Variants in BCL3 observed in about 807,000 individuals in gnomAD.
BCL3 encodes the protein BCL3 transcription coactivator.
In BCL3, 15 loss-of-function variants were observed where a neutral mutation model predicts 35.7. The observed-to-expected ratio is 0.42, with a 90% CI of 0.28 to 0.65. The LOEUF is 0.65. Ranked by LOEUF, BCL3 falls within the 30% of genes least tolerant of loss-of-function variation. The pLI, the probability that BCL3 is intolerant of heterozygous loss-of-function variation, is 0.22. For missense variants in BCL3, 565 were observed against 641.7 expected (o/e 0.88, Z 1.29); for synonymous variants, 311 against 284.3 (o/e 1.09, Z -0.95).
Position 44,754,361 on chromosome 19 carries a change from C to G in BCL3, c.411-1871C>G, listed in dbSNP as rs559532081. 3.9e-5 allele frequency among the ~76,000 whole-genome samples: 6 copies of G among 152,244 alleles called. No homozygotes were observed. The South Asian group carries it at 1.2e-3, about 32-fold the overall frequency. ...CCTACACACACACACCTCAAGGGAG[C>G]TAGGTCTTCTTGGGCTGGGCACTCC... is the stretch of plus-strand genomic sequence containing the variant. On this transcript the variant is annotated intron_variant, in intron 2 of 8. Coordinates refer to ENST00000164227, the MANE Select transcript of BCL3 (RefSeq NM_005178.5).
intron 1 of BCL3, 41 bp from the exon 2 acceptor site, chr19:44,751,186 G>A (rs372734121): frequency 1.9e-4 from 301 of 1,577,114 alleles, no homozygotes; most frequent in Non-Finnish European, 2.4e-4. Context: ...GTCTGTGGGT[G>A]TGGCCTCACC....
At chr19:44,759,317 G>A (rs1280782494) in intron 8 of BCL3, 111 bp from the exon 9 acceptor site, 44 of 370,044 alleles carry the variant, frequency 1.2e-4, no homozygotes, top group Middle Eastern at 4.7e-4. Flanking sequence ...CCTCAGACCC[G>A]AGTCCAGACC....
Position 44,757,146 on chromosome 19 carries a change from A to G in BCL3, c.649A>G (p.Ser217Gly). ...TAAHLACEHRSPTCLRALLDS... is the reference protein window; with the variant it reads ...TAAHLACEHRGPTCLRALLDS... ...CGCTCACCTGGCGTGCGAGCACCGC[A>G]GCCCGACCTGCCTGCGAGCCCTGCT... Residue 217 changes from serine to glycine, a missense_variant, in exon 4 of 9, where the codon AGC becomes GGC. Ser to Gly is a moderately conservative substitution (Grantham distance 56, BLOSUM62 0). Transcript: ENST00000164227. The surrounding 1 kb of genome is among the most constrained non-coding windows in gnomAD (Gnocchi z 8.4). The G allele has an allele frequency of 6.3e-7, 1 of 1,591,428 alleles. No homozygotes were observed. The highest frequency in any genetic ancestry group is 2.3e-5 in the East Asian group (1 of 43,230).
chr19:44,748,955 C>A lies in BCL3; in HGVS notation c.165C>A (p.Val55=). The change falls in exon 1 of 9, where the codon GTC becomes GTA. Residue 55 remains valine, a synonymous_variant. Transcript: ENST00000164227. ...CCCGCGGCGCTGCGGGCCTTGTCGTCCCCCTGGACCCTCTGCGCGGCGGCT... is the reference window on the plus strand; with the variant it reads ...CCCGCGGCGCTGCGGGCCTTGTCGTACCCCTGGACCCTCTGCGCGGCGGCT... ...AAPRGAAGLV[V]PLDPLRGGCD... 1 of 1,272,728 alleles carries A rather than the reference C, an allele frequency of 7.9e-7. No homozygotes were observed. Among genetic ancestry groups the A allele is most frequent in the Non-Finnish European group, 9.9e-7 (1 of 1,006,564 alleles). The allele number at this position is 1,272,728 out of a possible 1,614,324, so 78.8% of individuals were successfully genotyped here.
At chr19:44,751,791 C>T (rs147679491) in intron 2 of BCL3, among the ~76,000 whole-genome samples, 68 of 152,250 alleles carry the variant, frequency 4.5e-4, no homozygotes, top group Middle Eastern at 6.8e-3. Context: ...TTGGTAGAGA[C>T]AGGGTTTCAC....
In BCL3 at chr19:44,758,485, A is replaced by G. The variant is rs1202680146; in HGVS notation, c.1059+72A>G. 6.0e-6 allele frequency: 9 copies of G among 1,496,976 alleles called. No individual in the cohort carries two copies. The South Asian group carries it at 9.2e-5, about 15-fold the overall frequency. The allele number at this position is 1,496,976 out of a possible 1,614,324, so 92.7% of individuals were successfully genotyped here. On this transcript the variant is annotated intron_variant, in intron 7 of 8. Coordinates refer to ENST00000164227, the MANE Select transcript of BCL3 (RefSeq NM_005178.5). Reference sequence around the variant, plus strand: ...CGGGCTGGTTGCAGGCGAGTGTGCCAGAGCGCAGAGGAGTGAGGGTGTCTG... The same window carrying G: ...CGGGCTGGTTGCAGGCGAGTGTGCCGGAGCGCAGAGGAGTGAGGGTGTCTG...
rs554053234 is a variant in BCL3 at position 44,756,894 on chromosome 19, G to A, written c.520-123G>A. On this transcript the variant is annotated intron_variant, in intron 3 of 8. Coordinates refer to ENST00000164227, the MANE Select transcript of BCL3 (RefSeq NM_005178.5). ...CGGACTCTTGAATCTGAGACAGGAG[G>A]TGTCTCAGGTTTCTGTTCCTGGGGA... The A allele has an allele frequency of 1.2e-4, 111 of 900,408 alleles. No homozygotes were observed. The African/African-American group carries it at 1.5e-3, about 12-fold the overall frequency. The allele number at this position is 900,408 out of a possible 1,614,324, so 55.8% of individuals were successfully genotyped here.
intron 7 of BCL3, 139 bp from the exon 8 acceptor site, chr19:44,758,585 A>G: frequency 7.9e-7 from 1 of 1,262,664 alleles, no homozygotes; most frequent in Non-Finnish European, 1.1e-6. Flanking sequence ...AGAGACTGGC[A>G]CCAAGAAAAA....
Position 44,756,279 on chromosome 19 carries a change from G to A in BCL3, c.458G>A (p.Arg153Gln), listed in dbSNP as rs776164235. 9.6e-6 allele frequency: 15 copies of A among 1,556,578 alleles called. No homozygotes were observed. Among genetic ancestry groups the A allele is most frequent in the South Asian group, 8.3e-5 (7 of 83,932 alleles). Reference protein sequence around the residue: ...VVQGNLPAVHRLVNLFQQGGR... With the variant: ...VVQGNLPAVHQLVNLFQQGGR... Reference sequence around the variant, plus strand: ...CAGGGTAACCTGCCAGCTGTGCACCGGCTGGTCAACCTCTTCCAGCAGGGG... The same window carrying A: ...CAGGGTAACCTGCCAGCTGTGCACCAGCTGGTCAACCTCTTCCAGCAGGGG... Residue 153 changes from arginine to glutamine, a missense_variant, in exon 3 of 9, where the codon CGG becomes CAG. Physicochemically the swap from Arg to Gln is conservative, Grantham distance 43. Transcript: ENST00000164227.
At chr19:44,758,207 G>A in intron 6 of BCL3, 39 bp from the exon 7 acceptor site, 1 of 1,431,892 alleles carries the variant, frequency 7.0e-7, no homozygotes, top group Non-Finnish European at 9.1e-7. Flanking sequence ...ACCCCGGGTG[G>A]CCCGCGCGCC....
At chr19:44,747,799 TGC>T, upstream of BCL3, 1 of 1,088,912 alleles carries the variant, frequency 9.2e-7, no homozygotes, top group Non-Finnish European at 1.1e-6. Context: ...TCAAGATCTC[TGC>T]GCCTGTCTCC....
In BCL3 at chr19:44,753,531, C is replaced by A. The variant is rs891847895; in HGVS notation, c.410+2151C>A. On this transcript the variant is annotated intron_variant, in intron 2 of 8. Transcript: ENST00000164227. ...AGCACCCGTCACTCACTCGCAGCCT[C>A]CCCCCTCCTGGCGCTTCCTCCAACC... Among the ~76,000 whole-genome samples the A allele has an allele frequency of 2.0e-5, 3 of 152,162 alleles. No individual in the cohort carries two copies. The South Asian group carries it at 6.3e-4, about 32-fold the overall frequency.
chr19:44,758,767 C>A lies in BCL3; in HGVS notation c.1103C>A (p.Thr368Asn). Residue 368 changes from threonine to asparagine, a missense_variant, in exon 8 of 9, where the codon ACC becomes AAC. Physicochemically the swap from Thr to Asn is moderately conservative, Grantham distance 65. Transcript: ENST00000164227. ...GGGAAGGCCACCCGGCCTGCTTCCACCTCCCAGCCAGACCCCTCCCCTGAC... is the reference window on the plus strand; with the variant it reads ...GGGAAGGCCACCCGGCCTGCTTCCAACTCCCAGCCAGACCCCTCCCCTGAC... ...LRGKATRPAS[T>N]SQPDPSPDRS... The A allele has an allele frequency of 6.2e-7, 1 of 1,608,122 alleles. No individual in the cohort carries two copies.
At chr19:44,756,198 A>G (rs768512577) in intron 2 of BCL3, 34 bp from the exon 3 acceptor site, 17 of 1,379,156 alleles carry the variant, frequency 1.2e-5, no homozygotes, top group Admixed American at 8.1e-5. Flanking sequence ...AACAACCCCT[A>G]ATGCCTGTGA....
Position 44,750,551 on chromosome 19 carries a change from G to A in BCL3, c.257-676G>A, listed in dbSNP as rs936626869. 2.5e-4 allele frequency among the ~76,000 whole-genome samples: 38 copies of A among 152,172 alleles called. 1 individual carries two copies. Among genetic ancestry groups the A allele is most frequent in the Middle Eastern group, 3.4e-3 (1 of 294 alleles). ...TGACCTCAGGTGATCCGCCCGCCTC[G>A]GCCTCCCAAAGTATTGGTATTAGAG... On this transcript the variant is annotated intron_variant, in intron 1 of 8. Coordinates refer to ENST00000164227, the MANE Select transcript of BCL3 (RefSeq NM_005178.5).
Position 44,757,228 on chromosome 19 carries a change from A to ATTT in BCL3, c.724+8_724+10dup, listed in dbSNP as rs1967309256. 6.5e-7 allele frequency: 1 copy of ATTT among 1,549,186 alleles called. No individual in the cohort carries two copies. The highest frequency in any genetic ancestry group is 1.4e-5 in the African/African-American group (1 of 73,126). On this transcript the variant is annotated splice_region_variant and intron_variant, in intron 4 of 8. Transcript: ENST00000164227. This position sits in a 1 kb window ranked among gnomAD's most constrained non-coding sequence, Gnocchi z 8.4. ...GAGGCCCGCAATTATGACGGTAAGC[A>ATTT]TTTACCGCGGGGCACCGCTGGGCTG...
chr19:44,748,575 C>A, upstream of BCL3: 1 of 425,932 alleles, frequency 2.3e-6, no homozygotes, highest in Non-Finnish European at 3.2e-6. Context: ...GGCTGCACCT[C>A]AGAGCGGCGG....
chr19:44,754,910 C>G (rs113821202), intron 2 of BCL3, among the ~76,000 whole-genome samples: 21 of 152,362 alleles, frequency 1.4e-4, no homozygotes, highest in African/African-American at 4.8e-4. Context: ...GGGTTGTGGC[C>G]CAATTTGCAA....
intron 2 of BCL3, among the ~76,000 whole-genome samples, chr19:44,751,652 A>G (rs1056074630): frequency 3.9e-5 from 6 of 152,160 alleles, no homozygotes; most frequent in Non-Finnish European, 5.9e-5. Context: ...CCCAGGCTGG[A>G]GTGCAGTGGC....
Sources: gnomAD v4.1 joint callset for allele counts (sites outside exome capture counted in the v4.1 genomes callset) on GRCh38, gnomAD v4.1.1 for gene constraint, Gnocchi (gnomAD v3.1) non-coding constraint, MANE v1.5 for transcripts, NCBI Gene and HGNC (gene_info 2026-07-23, HGNC 2026-07-21) for gene names.